The following ZNF638 variants were observed in gnomAD, a reference collection of about 807,000 sequenced individuals.
ZNF638 encodes CTCL tumor antigen se33-1.
Under a neutral mutation model 195.6 loss-of-function variants are expected in ZNF638, and 46 were observed. The observed-to-expected ratio is 0.24, with a 90% CI of 0.19 to 0.30. The LOEUF is 0.30. Among genes scored for constraint, ZNF638 ranks in the 10% least tolerant of loss-of-function variants. ZNF638 has a pLI of 1.00. For missense variants in ZNF638, 2,440 were observed against 2,325.3 expected (o/e 1.05, Z -1.01); for synonymous variants, 845 against 772.0 (o/e 1.09, Z -1.57).
intron 1 of ZNF638, chr2:71,341,661 C>T (rs184947317): frequency 1.6e-4 from 24 of 152,224 alleles, no homozygotes; most frequent in East Asian, 5.8e-4. Flanking sequence ...GTTTTTTCCC[C>T]AACAAGTTAA....
chr2:71,399,298 T>C (rs939058933), intron 12 of ZNF638, among the ~76,000 whole-genome samples: 3 of 152,180 alleles, frequency 2.0e-5, no homozygotes, highest in South Asian at 2.1e-4. Flanking sequence ...TTTTTGCGTG[T>C]GTGTGATTAC....
intron 25 of ZNF638, 83 bp downstream of exon 25, chr2:71,428,734 A>AGTCCTAATTTATTGCTCT: frequency 8.0e-7 from 1 of 1,243,154 alleles, no homozygotes; most frequent in South Asian, 1.4e-5. Flanking sequence ...CTAAGAAGAA[A>AGTCCTAATTTATTGCTCT]AGTAGAAAAT....
intron 4 of ZNF638, 110 bp downstream of exon 4, chr2:71,363,301 A>C (rs1011950163): frequency 2.5e-6 from 2 of 794,916 alleles, no homozygotes; most frequent in Non-Finnish European, 3.9e-6. Flanking sequence ...TTTAAACAAC[A>C]GGCAAATGCA....
chr2:71,378,144 T>C (rs1383310315), intron 8 of ZNF638, among the ~76,000 whole-genome samples: 4 of 152,182 alleles, frequency 2.6e-5, no homozygotes, highest in Non-Finnish European at 5.9e-5. Context: ...AAAATCTAAA[T>C]AATCACATTT....
chr2:71,343,709 CAT>C (rs780880804), intron 1 of ZNF638, among the ~76,000 whole-genome samples: 1 of 152,098 alleles, frequency 6.6e-6, no homozygotes, highest in Non-Finnish European at 1.5e-5. Flanking sequence ...CTTTTTGGGT[CAT>C]AGACCTTTTT....
intron 10 of ZNF638, among the ~76,000 whole-genome samples, chr2:71,385,762 G>A (rs2079624547): frequency 6.6e-6 from 1 of 152,118 alleles, no homozygotes; most frequent in African/African-American, 2.4e-5. Context: ...GGTATATGGG[G>A]TCTCTCCTTT....
Position 71,433,274 on chromosome 2 carries a change from A to G in ZNF638, c.5862A>G (p.Gln1954=). 6.2e-7 allele frequency: 1 copy of G among 1,608,796 alleles called. No homozygotes were observed. Among genetic ancestry groups the G allele is most frequent in the Non-Finnish European group, 8.5e-7 (1 of 1,176,010 alleles). The change falls in exon 27 of 28, where the codon CAA becomes CAG. Residue 1954 remains glutamine, a synonymous_variant. Transcript: ENST00000264447. ...TNHCKSTRHK[Q]NTEKFMAKQR... is the part of the protein sequence containing the mutation. ...ACTGCAAGAGTACACGTCATAAGCA[A>G]AATACTGAGGTAATTTTAAAAATTC...
At chr2:71,335,373 T>C (rs17743415) in intron 1 of ZNF638, among the ~76,000 whole-genome samples, 64,370 of 152,072 alleles carry the variant, frequency 0.42, 16,755 homozygotes, top group Admixed American at 0.58. Context: ...AAGGAACATA[T>C]ATTTTGGATT....
chr2:71,358,647 G>C (rs1191168667), intron 3 of ZNF638, among the ~76,000 whole-genome samples: 1 of 152,188 alleles, frequency 6.6e-6, no homozygotes, highest in Non-Finnish European at 1.5e-5. Flanking sequence ...TCCAGGCTGT[G>C]TCTCCTAACC....
At chr2:71,410,290 A>G (rs902390568) in intron 20 of ZNF638, among the ~76,000 whole-genome samples, 3 of 152,046 alleles carry the variant, frequency 2.0e-5, no homozygotes, top group African/African-American at 4.8e-5. Flanking sequence ...GGCTTAAGCG[A>G]TCCTCTCACT....
intron 3 of ZNF638, among the ~76,000 whole-genome samples, chr2:71,356,725 G>A (rs2079029269): frequency 1.3e-5 from 2 of 151,698 alleles, no homozygotes; most frequent in Admixed American, 1.3e-4. Context: ...GGAGATAGAA[G>A]CTTCAGTGAG....
At chr2:71,351,395 A>G (rs1398790249) in intron 2 of ZNF638, among the ~76,000 whole-genome samples, 1 of 152,222 alleles carries the variant, frequency 6.6e-6, no homozygotes, top group Non-Finnish European at 1.5e-5. Context: ...TTCTATTAAA[A>G]TAATAGTTGC....
chr2:71,380,352 C>A, intron 9 of ZNF638, 72 bp downstream of exon 9: 2 of 1,219,898 alleles, frequency 1.6e-6, no homozygotes, highest in Non-Finnish European at 2.3e-6. Flanking sequence ...ATTTTTAAAA[C>A]CGCATTTTAA....
At chr2:71,373,450 T>A (rs949569455) in intron 8 of ZNF638, among the ~76,000 whole-genome samples, 22 of 137,308 alleles carry the variant, frequency 1.6e-4, no homozygotes, top group Non-Finnish European at 3.1e-4. Context: ...TTTTTTTTTT[T>A]TTTTTTTTTT....
chr2:71,420,501 T>A (rs2080408972), intron 21 of ZNF638, among the ~76,000 whole-genome samples: 1 of 152,224 alleles, frequency 6.6e-6, no homozygotes, highest in African/African-American at 2.4e-5. Flanking sequence ...AGTCCCAGTT[T>A]AAGGTTTCTC....
chr2:71,376,011 A>G (rs893280323), intron 8 of ZNF638: 4 of 152,238 alleles, frequency 2.6e-5, no homozygotes, highest in Non-Finnish European at 5.9e-5. Flanking sequence ...AACAGTTAAC[A>G]TAGTTAAGGA....
At chr2:71,385,921 C>T (rs1160446835) in intron 10 of ZNF638, among the ~76,000 whole-genome samples, 2 of 151,746 alleles carry the variant, frequency 1.3e-5, no homozygotes, top group African/African-American at 2.4e-5. Context: ...ATAGTGTCTG[C>T]GAGCACTTTG....
Position 71,426,970 on chromosome 2 carries a change from A to G in ZNF638, c.5101A>G (p.Thr1701Ala), listed in dbSNP as rs2080552411. 1 of 1,612,502 alleles carries G rather than the reference A, an allele frequency of 6.2e-7. No individual in the cohort carries two copies. Among genetic ancestry groups the G allele is most frequent in the African/African-American group, 1.3e-5 (1 of 74,960 alleles). ...ACCTTTGAATGAGTCAGCAGACATAACTTTTGCCACTTTAAATACTAAAGG... is the reference window on the plus strand; with the variant it reads ...ACCTTTGAATGAGTCAGCAGACATAGCTTTTGCCACTTTAAATACTAAAGG... ...ELPLNESADI[T>A]FATLNTKGNE... Residue 1701 changes from threonine (T) to alanine (A), a missense_variant, in exon 24 of 28, where the codon ACT becomes GCT. Physicochemically the swap from Thr to Ala is moderately conservative, Grantham distance 58. This residue lies in a region of ZNF638 where 1,883 missense variants were observed against 1,739.1 expected (regional missense o/e 1.08). Transcript: ENST00000264447.
intron 1 of ZNF638, among the ~76,000 whole-genome samples, chr2:71,334,126 C>G (rs2542491): frequency 0.099 from 15,001 of 152,082 alleles, 803 homozygotes; most frequent in Non-Finnish European, 0.12. Context: ...TTACGTTAGT[C>G]TTTGTATCTT....
Sources: gnomAD v4.1 joint callset for allele counts (sites outside exome capture counted in the v4.1 genomes callset) on GRCh38, gnomAD v4.1.1 for gene constraint, gnomAD v4.1.1 regional missense constraint, MANE v1.5 for transcripts, NCBI Gene and HGNC (gene_info 2026-07-23, HGNC 2026-07-21) for gene names.